Variants in SCHIP1 observed in about 807,000 individuals in gnomAD.
SCHIP1 encodes schwannomin-interacting protein 1.
SCHIP1 carries 8 observed loss-of-function variants against 29.7 expected under a neutral mutation model. That is an observed-to-expected ratio of 0.27 (90% CI 0.16 to 0.49). The LOEUF is 0.49. Ranked by LOEUF, SCHIP1 falls within the 20% of genes least tolerant of loss-of-function variation. The pLI, the probability that SCHIP1 is intolerant of heterozygous loss-of-function variation, is 0.99. For missense variants in SCHIP1, 193 were observed against 294.6 expected (o/e 0.66, Z 2.52); for synonymous variants, 76 against 94.9 (o/e 0.80, Z 1.16).
At chr3:159,399,725 G>T in the SCHIP1 span, among the ~76,000 whole-genome samples, 126 of 152,240 alleles carry the variant, frequency 8.3e-4, no homozygotes, top group African/African-American at 2.8e-3. Flanking sequence ...CACCCAGGCT[G>T]GAGTGCAGTG....
At chr3:159,729,486 A>G in the SCHIP1 span, among the ~76,000 whole-genome samples, 2 of 152,256 alleles carry the variant, frequency 1.3e-5, no homozygotes, top group Non-Finnish European at 2.9e-5. Context: ...ATTGGAAACA[A>G]TAAGATAATC....
chr3:159,396,458 C>T, the SCHIP1 span, among the ~76,000 whole-genome samples: 13 of 147,692 alleles, frequency 8.8e-5, no homozygotes, highest in South Asian at 4.5e-4. Flanking sequence ...GCGGCTGGTA[C>T]CGGTTGTTCC....
chr3:159,543,657 G>T, the SCHIP1 span, among the ~76,000 whole-genome samples: 9 of 151,810 alleles, frequency 5.9e-5, no homozygotes, highest in African/African-American at 1.5e-4. Flanking sequence ...TCGCTATTGT[G>T]AATAGTGCCG....
At chr3:159,844,399 T>A (rs1711530739) in intron 1 of SCHIP1, among the ~76,000 whole-genome samples, 1 of 135,606 alleles carries the variant, frequency 7.4e-6, no homozygotes, top group South Asian at 2.1e-4. Context: ...TTTTTCATGG[T>A]TGTTTGTTTT....
At chr3:159,340,190 G>A in the SCHIP1 span, among the ~76,000 whole-genome samples, 4 of 152,052 alleles carry the variant, frequency 2.6e-5, no homozygotes, top group Admixed American at 1.3e-4. Flanking sequence ...ATCTACATAT[G>A]TATATAAATA....
intron 1 of SCHIP1, among the ~76,000 whole-genome samples, chr3:159,856,803 G>T (rs1410707989): frequency 6.6e-6 from 1 of 152,226 alleles, no homozygotes; most frequent in Non-Finnish European, 1.5e-5. Context: ...TGAAGCCACA[G>T]CTGCGCCTCA....
At chr3:159,435,473 G>A in the SCHIP1 span, among the ~76,000 whole-genome samples, 1 of 152,114 alleles carries the variant, frequency 6.6e-6, no homozygotes, top group Non-Finnish European at 1.5e-5. Context: ...TATCAGAGTT[G>A]TCAGTTTTCT....
At chr3:159,365,203 A>G in the SCHIP1 span, among the ~76,000 whole-genome samples, 11 of 152,172 alleles carry the variant, frequency 7.2e-5, no homozygotes, top group Non-Finnish European at 1.2e-4. Context: ...TCCTGATATG[A>G]AGTATAGTAA....
At chr3:159,422,689 A>G in the SCHIP1 span, among the ~76,000 whole-genome samples, 1 of 152,182 alleles carries the variant, frequency 6.6e-6, no homozygotes, top group African/African-American at 2.4e-5. Context: ...ATGTAAATGG[A>G]ATCATACCTA....
the SCHIP1 span, among the ~76,000 whole-genome samples, chr3:159,385,575 CAAAAAAAAAAA>C: frequency 7.5e-6 from 1 of 133,152 alleles, no homozygotes; most frequent in Non-Finnish European, 1.6e-5. Context: ...AACAAACAAA[CAAAAAAAAAAA>C]AACCAAAAAA....
the SCHIP1 span, among the ~76,000 whole-genome samples, chr3:159,520,802 T>G: frequency 1.3e-5 from 2 of 152,224 alleles, no homozygotes; most frequent in Admixed American, 1.3e-4. Context: ...AAATAATATT[T>G]GTGTTTACGT....
intron 1 of SCHIP1, chr3:159,840,307 A>G: frequency 8.6e-7 from 1 of 1,159,002 alleles, no homozygotes; most frequent in East Asian, 2.6e-5. Context: ...CCGGATATTC[A>G]GGGATTTTGC....
At chr3:159,639,784 G>A in the SCHIP1 span, among the ~76,000 whole-genome samples, 2 of 152,126 alleles carry the variant, frequency 1.3e-5, no homozygotes, top group Non-Finnish European at 2.9e-5. Context: ...GGTTTTGGAG[G>A]ACTTTAAACC....
intron 1 of SCHIP1, among the ~76,000 whole-genome samples, chr3:159,846,761 G>A (rs1384382592): frequency 1.3e-5 from 2 of 152,022 alleles, no homozygotes; most frequent in Non-Finnish European, 2.9e-5. Flanking sequence ...GGTCTTCATT[G>A]TTTTGCCTGT....
At chr3:159,601,482 G>A in the SCHIP1 span, among the ~76,000 whole-genome samples, 5 of 152,124 alleles carry the variant, frequency 3.3e-5, no homozygotes, top group Non-Finnish European at 7.4e-5. Context: ...GTAGCCCTCC[G>A]GCCCACCCAC....
the SCHIP1 span, among the ~76,000 whole-genome samples, chr3:159,550,084 T>TAATTATCTTAAGATATCTTAAGAA: frequency 6.7e-6 from 1 of 150,126 alleles, no homozygotes; most frequent in South Asian, 2.1e-4. Context: ...TTAAGAAAAT[T>TAATTATCTTAAGATATCTTAAGAA]AATTATCTTA....
At chr3:159,520,641 T>C in the SCHIP1 span, among the ~76,000 whole-genome samples, 2 of 152,084 alleles carry the variant, frequency 1.3e-5, no homozygotes, top group Non-Finnish European at 2.9e-5. Flanking sequence ...TTTGTTCTAC[T>C]GATTGCTTTC....
At chr3:159,452,615 G>C in the SCHIP1 span, among the ~76,000 whole-genome samples, 1 of 152,126 alleles carries the variant, frequency 6.6e-6, no homozygotes, top group Non-Finnish European at 1.5e-5. Context: ...AAATATACGT[G>C]TGCATGTGTC....
the SCHIP1 span, among the ~76,000 whole-genome samples, chr3:159,781,894 G>T: frequency 6.6e-6 from 1 of 152,340 alleles, no homozygotes; most frequent in South Asian, 2.1e-4. Flanking sequence ...AAAACAGCCA[G>T]AAATTATTTT....
Sources: gnomAD v4.1 joint callset for allele counts (sites outside exome capture counted in the v4.1 genomes callset) on GRCh38, gnomAD v4.1.1 for gene constraint, MANE v1.5 for transcripts, NCBI Gene and HGNC (gene_info 2026-07-23, HGNC 2026-07-21) for gene names.